Variants in NFIB observed in about 807,000 individuals in gnomAD.
NFIB encodes nuclear factor 1 B-type.
A neutral mutation model predicts 61.5 loss-of-function variants in NFIB; 11 were observed. The ratio of observed to expected loss-of-function variants is 0.18; its 90% CI spans 0.11 to 0.30. NFIB has a LOEUF of 0.30. NFIB is among the 10% of genes least tolerant of loss of function. The pLI is 1.00. For synonymous variants in NFIB, 260 were observed against 216.5 expected (o/e 1.20, Z -1.76); for missense variants, 471 against 608.9 (o/e 0.77, Z 2.38).
In NFIB at chr9:14,086,361, A is replaced by T. The variant is rs995867474; in HGVS notation, c.*1948T>A. The T allele has an allele frequency of 1.8e-5, 4 of 221,006 alleles. No individual in the cohort carries two copies. Among genetic ancestry groups the T allele is most frequent in the African/African-American group, 9.0e-5 (4 of 44,658 alleles). The allele number at this position is 221,006 out of a possible 1,614,324, so 13.7% of individuals were successfully genotyped here. A position where few individuals can be genotyped will look rare whatever the true frequency, so the allele number is the denominator to read the frequency against. On this transcript the variant is annotated 3_prime_UTR_variant, in exon 11 of 11. Transcript: ENST00000380953. ...CACTTTGGTCAATTAAAACAAACAA[A>T]CAAACAAAAAAGCATACATTATTTT...
chr9:14,377,627 C>T (rs1467757021), intron 1 of NFIB, among the ~76,000 whole-genome samples: 1 of 152,062 alleles, frequency 6.6e-6, no homozygotes, highest in South Asian at 2.1e-4. Context: ...AAAGACGGAG[C>T]ATTTTGTTTC....
intron 7 of NFIB, among the ~76,000 whole-genome samples, chr9:14,123,071 T>G (rs2039141881): frequency 6.6e-6 from 1 of 151,462 alleles, no homozygotes; most frequent in African/African-American, 2.4e-5. Context: ...CTGGCCAACA[T>G]GGTGAAACCC....
the NFIB span, among the ~76,000 whole-genome samples, chr9:14,458,316 G>C: frequency 4.6e-5 from 7 of 152,206 alleles, no homozygotes; most frequent in East Asian, 1.2e-3. Context: ...AAATTCAACT[G>C]CCCTTCATGC....
rs538772926 is a variant in NFIB, at chr9:14,225,033, T to A, written c.563-45253A>T. 1.1e-4 allele frequency among the ~76,000 whole-genome samples: 17 copies of A among 152,232 alleles called. No homozygotes were observed. In the East Asian group the frequency reaches 1.9e-3, roughly 17 times the overall value. On this transcript the variant is annotated intron_variant, in intron 2 of 10. Coordinates refer to ENST00000380953, the MANE Select transcript of NFIB (RefSeq NM_001190737.2). ...ATTAAATCTCAAGGCTTATTCATCCTACAAAACTGCAACTCTGTACCCTCT... is the reference window on the plus strand; with the variant it reads ...ATTAAATCTCAAGGCTTATTCATCCAACAAAACTGCAACTCTGTACCCTCT...
intron 3 of NFIB, among the ~76,000 whole-genome samples, chr9:14,170,696 C>A (rs1339126300): frequency 2.0e-4 from 31 of 152,056 alleles, no homozygotes; most frequent in Admixed American, 2.0e-3. Flanking sequence ...TACAACACTG[C>A]CCAGAACAGC....
At chr9:14,177,293 G>C (rs2046296052) in intron 3 of NFIB, among the ~76,000 whole-genome samples, 1 of 152,078 alleles carries the variant, frequency 6.6e-6, no homozygotes, top group Admixed American at 6.6e-5. Flanking sequence ...ACTTAAAAAA[G>C]AAGCTTTTAA....
chr9:14,136,964 A>G (rs1184591153), intron 6 of NFIB, among the ~76,000 whole-genome samples: 2 of 152,180 alleles, frequency 1.3e-5, no homozygotes, highest in Non-Finnish European at 2.9e-5. Context: ...TGAAGAAAAA[A>G]AGAACATTCT....
At chr9:14,332,178 C>G (rs142462410) in intron 1 of NFIB, among the ~76,000 whole-genome samples, 187 of 151,866 alleles carry the variant, frequency 1.2e-3, no homozygotes, top group African/African-American at 4.4e-3. Flanking sequence ...ACTAAAAATA[C>G]AAAAACTAAC....
the NFIB span, among the ~76,000 whole-genome samples, chr9:14,491,553 T>C: frequency 7.2e-5 from 11 of 152,194 alleles, no homozygotes; most frequent in Admixed American, 3.3e-4. Context: ...GCATCAGTGA[T>C]AGGTGGGAGT....
chr9:14,120,739 C>T lies in NFIB; in HGVS notation c.1061-115G>A. ...ACTGGTAACCATTCATTTTTGTCCCCATGATTTAACCAAGCTCTCCTAAAT... is the reference window on the plus strand; with the variant it reads ...ACTGGTAACCATTCATTTTTGTCCCTATGATTTAACCAAGCTCTCCTAAAT... On this transcript the variant is annotated intron_variant, in intron 7 of 10. Coordinates refer to ENST00000380953, the MANE Select transcript of NFIB (RefSeq NM_001190737.2). The surrounding 1 kb of genome is among the most constrained non-coding windows in gnomAD (Gnocchi z 4.4). 2 of 1,058,302 alleles carry T rather than the reference C, an allele frequency of 1.9e-6. No individual in the cohort carries two copies. The highest frequency in any genetic ancestry group is 2.7e-6 in the Non-Finnish European group (2 of 749,608). The allele number at this position is 1,058,302 out of a possible 1,614,324, so 65.6% of individuals were successfully genotyped here.
At chr9:14,365,189 G>A (rs957501890) in intron 1 of NFIB, among the ~76,000 whole-genome samples, 1 of 152,200 alleles carries the variant, frequency 6.6e-6, no homozygotes, top group Non-Finnish European at 1.5e-5. Context: ...ACAGAATTCT[G>A]CTGCTAAAAA....
At chr9:14,289,081 C>CGTGTGTGTGTGTGTGT (rs58218572) in intron 2 of NFIB, among the ~76,000 whole-genome samples, 3 of 142,404 alleles carry the variant, frequency 2.1e-5, no homozygotes, top group African/African-American at 7.8e-5. Context: ...TTTTCCAAAG[C>CGTGTGTGTGTGTGTGT]GTGTGTGTGT....
chr9:14,431,355 A>AT, the NFIB span, among the ~76,000 whole-genome samples: 1 of 152,080 alleles, frequency 6.6e-6, no homozygotes, highest in Non-Finnish European at 1.5e-5. Flanking sequence ...ACTTAATCAC[A>AT]TTTTTTAAAA....
At chr9:14,520,189 T>C in the NFIB span, among the ~76,000 whole-genome samples, 1 of 152,236 alleles carries the variant, frequency 6.6e-6, no homozygotes, top group East Asian at 1.9e-4. Flanking sequence ...CCATTCTATC[T>C]ATCTAATTGT....
At chr9:14,421,718 T>C in the NFIB span, among the ~76,000 whole-genome samples, 1 of 152,236 alleles carries the variant, frequency 6.6e-6, no homozygotes, top group Non-Finnish European at 1.5e-5. Flanking sequence ...CCAGTGCTAA[T>C]TTGCATAACA....
chr9:14,460,159 A>C, the NFIB span, among the ~76,000 whole-genome samples: 3 of 152,216 alleles, frequency 2.0e-5, no homozygotes, highest in African/African-American at 7.2e-5. Context: ...AAAATGTGGC[A>C]CATATACATC....
Position 14,082,682 on chromosome 9 carries a change from T to G in NFIB, c.*5627A>C, listed in dbSNP as rs2118329358. ...ACATTTTGCTGGTTTTTTTTTTTTG[T>G]TTGTTTCTTTCTTGTTTTGCATCAA... On this transcript the variant is annotated 3_prime_UTR_variant, in exon 11 of 11. Transcript: ENST00000380953. The G allele has an allele frequency of 5.0e-6, 1 of 198,172 alleles. No individual in the cohort carries two copies. The highest frequency in any genetic ancestry group is 2.3e-5 in the African/African-American group (1 of 42,858). The allele number at this position is 198,172 out of a possible 1,614,324, so 12.3% of individuals were successfully genotyped here.
At chr9:14,518,668 A>G in the NFIB span, among the ~76,000 whole-genome samples, 1 of 152,088 alleles carries the variant, frequency 6.6e-6, no homozygotes, top group Non-Finnish European at 1.5e-5. Flanking sequence ...CTCAAGAAAA[A>G]AAAAAGAGAG....
At chr9:14,367,064 C>G (rs2061308803) in intron 1 of NFIB, among the ~76,000 whole-genome samples, 1 of 152,128 alleles carries the variant, frequency 6.6e-6, no homozygotes, top group South Asian at 2.1e-4. Context: ...TCCACTAACC[C>G]TGAGTTGATG....
Sources: allele counts gnomAD v4.1 joint callset (sites outside exome capture counted in the v4.1 genomes callset), GRCh38; gene constraint gnomAD v4.1.1; non-coding constraint Gnocchi (gnomAD v3.1); transcripts MANE v1.5; gene names NCBI Gene and HGNC (gene_info 2026-07-23, HGNC 2026-07-21).